LOXHD1: variants seen among roughly 807,000 people sequenced by gnomAD.
LOXHD1 encodes lipoxygenase homology domain-containing protein 1.
In LOXHD1, 205 loss-of-function variants were observed where a neutral mutation model predicts 248.2. The observed-to-expected ratio is 0.83, with a 90% CI of 0.74 to 0.93. The LOEUF (loss-of-function observed/expected upper bound fraction) is 0.93, where lower values mean the gene tolerates loss of function less well. LOXHD1 is among the 40% of genes least tolerant of loss of function. The pLI, the probability that LOXHD1 is intolerant of heterozygous loss-of-function variation, is 0.00. For synonymous variants in LOXHD1, 1,113 were observed against 1,162.8 expected (o/e 0.96, Z 0.87); for missense variants, 2,930 against 2,971.6 (o/e 0.99, Z 0.33).
intron 37 of LOXHD1, 35 bp from the exon 38 acceptor site, chr18:46,489,177 A>G: frequency 6.5e-7 from 1 of 1,550,146 alleles, no homozygotes; most frequent in Non-Finnish European, 8.7e-7. Flanking sequence ...TGGAAGCTGG[A>G]TGTGCCTTCC....
chr18:46,607,332 T>C (rs1465922641), intron 6 of LOXHD1, among the ~76,000 whole-genome samples: 7 of 150,362 alleles, frequency 4.7e-5, no homozygotes, highest in Non-Finnish European at 1.0e-4. Flanking sequence ...TATATGTGCA[T>C]ATATACATGT....
In LOXHD1 at chr18:46,618,186, C is replaced by T. The variant is rs2038616306; in HGVS notation, c.610+6G>A. The T allele has an allele frequency of 1.3e-6, 2 of 1,546,208 alleles. No individual in the cohort carries two copies. The highest frequency in any genetic ancestry group is 2.0e-5 in the Admixed American group (1 of 50,884). On this transcript the variant is annotated splice_donor_region_variant and intron_variant, in intron 5 of 40. Transcript: ENST00000642948. ...GCTTATGAAAAAAATAATTCAAACC[C>T]ATTACCTGTGTCTCCATACTCTCCA...
intron 22 of LOXHD1, 133 bp downstream of exon 22, chr18:46,546,762 G>T: frequency 1.0e-6 from 1 of 1,004,362 alleles, no homozygotes; most frequent in Non-Finnish European, 1.4e-6. Context: ...GGAATGAGAG[G>T]GCAATACAAT....
intron 17 of LOXHD1, 69 bp from the exon 18 acceptor site, chr18:46,563,294 C>T: frequency 7.2e-7 from 1 of 1,391,994 alleles, no homozygotes; most frequent in South Asian, 1.7e-5. Flanking sequence ...AGTAACAAAA[C>T]AAACCTTTCC....
chr18:46,491,608 G>A (rs1421230103), intron 37 of LOXHD1, among the ~76,000 whole-genome samples: 1 of 152,204 alleles, frequency 6.6e-6, no homozygotes, highest in Non-Finnish European at 1.5e-5. Context: ...TAGTGGAGGA[G>A]GATGGCATTA....
At chr18:46,594,186 T>G (rs1599036105) in intron 9 of LOXHD1, 145 bp downstream of exon 9, 2 of 1,033,876 alleles carry the variant, frequency 1.9e-6, no homozygotes, top group Non-Finnish European at 2.8e-6. Context: ...CTTGGCGGGG[T>G]TGGGGGAGCT....
chr18:46,637,385 A>G (rs2038906288), intron 4 of LOXHD1, among the ~76,000 whole-genome samples: 3 of 152,156 alleles, frequency 2.0e-5, no homozygotes, highest in African/African-American at 2.4e-5. Context: ...GTTTCTCATG[A>G]TGACTTTTCA....
At chr18:46,638,089 G>C (rs2038915406) in intron 4 of LOXHD1, among the ~76,000 whole-genome samples, 1 of 152,158 alleles carries the variant, frequency 6.6e-6, no homozygotes, top group Non-Finnish European at 1.5e-5. Flanking sequence ...CCAAGGAGGG[G>C]TGTCGAGCAA....
Position 46,542,742 on chromosome 18 carries a change from C to T in LOXHD1, c.3733G>A (p.Gly1245Ser). 6.4e-7 allele frequency: 1 copy of T among 1,551,618 alleles called. No individual in the cohort carries two copies. Among genetic ancestry groups the T allele is most frequent in the Non-Finnish European group, 8.7e-7 (1 of 1,146,986 alleles). ...GAAGCCACACCTGTGTTGTCATGGC[C>T]AAGCCGGACTTTCCACAGGTCTCCC... ...DLGDLWKVRL[G>S]HDNTGKAPGW... Residue 1245 changes from glycine (G) to serine (S), a missense_variant, in exon 24 of 41, where the codon GGC becomes AGC. Physicochemically the swap from Gly to Ser is moderately conservative, Grantham distance 56. Transcript: ENST00000642948.
intron 37 of LOXHD1, among the ~76,000 whole-genome samples, chr18:46,504,315 A>G (rs1050462024): frequency 6.6e-6 from 1 of 152,154 alleles, no homozygotes; most frequent in African/African-American, 2.4e-5. Flanking sequence ...CATGTTGCCC[A>G]GGCTAGTCTC....
chr18:46,505,711 T>C, intron 37 of LOXHD1, 127 bp downstream of exon 37: 1 of 934,898 alleles, frequency 1.1e-6, no homozygotes, highest in South Asian at 1.6e-5. Context: ...GTGGTGGTCA[T>C]CAACTGTGTT....
Position 46,529,331 on chromosome 18 carries a change from A to G in LOXHD1, c.4376T>C (p.Ile1459Thr). 6.5e-7 allele frequency: 1 copy of G among 1,536,446 alleles called. No individual in the cohort carries two copies. Among genetic ancestry groups the G allele is most frequent in the South Asian group, 1.2e-5 (1 of 82,390 alleles). ...GAAGATCTGCACCGAGTACAGCACA[A>G]CTGGGCAGGTGGTGGGACAGACAGA... The part of the protein sequence containing the change: ...VYKEVEEPLD[I>T]VLYSVQIFTG... The change falls in exon 29 of 41, where the codon ATT becomes ACT. Residue 1459 changes from isoleucine to threonine, a missense_variant and splice_region_variant. Physicochemically the swap from Ile to Thr is moderately conservative, Grantham distance 89. Coordinates refer to ENST00000642948, the MANE Select transcript of LOXHD1 (RefSeq NM_001384474.1).
intron 5 of LOXHD1, among the ~76,000 whole-genome samples, chr18:46,614,416 T>C (rs1258448547): frequency 2.0e-5 from 3 of 151,890 alleles, no homozygotes; most frequent in African/African-American, 7.3e-5. Context: ...CATGTCCTTT[T>C]TACGGACGTG....
At chr18:46,637,370 G>A (rs781089577) in intron 4 of LOXHD1, among the ~76,000 whole-genome samples, 20 of 152,284 alleles carry the variant, frequency 1.3e-4, no homozygotes, top group Non-Finnish European at 2.6e-4. Flanking sequence ...TGAGTTACAT[G>A]AATTGTTTCT....
chr18:46,489,184 T>C (rs1165664815), intron 37 of LOXHD1, 42 bp from the exon 38 acceptor site: 3 of 1,545,324 alleles, frequency 1.9e-6, no homozygotes, highest in Non-Finnish European at 2.6e-6. Flanking sequence ...TGGATGTGCC[T>C]TCCCTCCCCT....
At chr18:46,577,492 C>A (rs1303822086) in intron 14 of LOXHD1, among the ~76,000 whole-genome samples, 1 of 152,208 alleles carries the variant, frequency 6.6e-6, no homozygotes, top group Non-Finnish European at 1.5e-5. Flanking sequence ...CACACCGGAA[C>A]ACACCACAGT....
chr18:46,575,128 C>T (rs2037830086), intron 14 of LOXHD1, among the ~76,000 whole-genome samples: 1 of 152,238 alleles, frequency 6.6e-6, no homozygotes, highest in South Asian at 2.1e-4. Flanking sequence ...CTCCAGAGTC[C>T]AACCTCGTCC....
chr18:46,604,288 G>A, intron 6 of LOXHD1, 59 bp from the exon 7 acceptor site: 9 of 1,541,726 alleles, frequency 5.8e-6, no homozygotes, highest in Admixed American at 2.0e-5. Context: ...TGCACCTGGA[G>A]ATCTAATCCA....
At chr18:46,501,691 C>G (rs1315589775) in intron 37 of LOXHD1, among the ~76,000 whole-genome samples, 1 of 152,176 alleles carries the variant, frequency 6.6e-6, no homozygotes, top group Non-Finnish European at 1.5e-5. Context: ...CTGTGCTTCC[C>G]TTAGGAGCAA....
Sources: gnomAD v4.1 joint callset for allele counts (sites outside exome capture counted in the v4.1 genomes callset) on GRCh38, gnomAD v4.1.1 for gene constraint, MANE v1.5 for transcripts, NCBI Gene and HGNC (gene_info 2026-07-23, HGNC 2026-07-21) for gene names.